Variants in SGCZ observed in about 807,000 individuals in gnomAD.
SGCZ encodes the protein zeta-sarcoglycan.
A neutral mutation model predicts 41.3 loss-of-function variants in SGCZ; 40 were observed. The observed-to-expected ratio is 0.97, with a 90% confidence interval of 0.75 to 1.26. The LOEUF (loss-of-function observed/expected upper bound fraction) is 1.26. Among genes scored for constraint, SGCZ ranks in the 50% most tolerant of loss-of-function variants. The pLI, the probability that SGCZ is intolerant of heterozygous loss-of-function variation, is 0.00. For synonymous variants in SGCZ, 206 were observed against 137.5 expected (o/e 1.50, Z -3.49); for missense variants, 552 against 369.8 (o/e 1.49, Z -4.04).
At chr8:14,252,608 TAGAG>T (rs1259482609) in intron 3 of SGCZ, among the ~76,000 whole-genome samples, 1 of 152,126 alleles carries the variant, frequency 6.6e-6, no homozygotes, top group Non-Finnish European at 1.5e-5. Flanking sequence ...AGCATTCTTC[TAGAG>T]AAAGTTTGTA....
chr8:14,227,345 G>T (rs1282901788), intron 4 of SGCZ, among the ~76,000 whole-genome samples: 1 of 152,024 alleles, frequency 6.6e-6, no homozygotes, highest in Non-Finnish European at 1.5e-5. Context: ...CTTTGGGAAG[G>T]GTAAAGGAAG....
At chr8:14,240,978 T>A (rs189689257) in intron 3 of SGCZ, among the ~76,000 whole-genome samples, 15 of 152,308 alleles carry the variant, frequency 9.8e-5, no homozygotes, top group Admixed American at 3.3e-4. Context: ...AATATATGTT[T>A]AGGTTAGAAT....
intron 7 of SGCZ, among the ~76,000 whole-genome samples, chr8:14,095,463 G>A (rs1402594180): frequency 6.7e-6 from 1 of 149,994 alleles, no homozygotes; most frequent in Non-Finnish European, 1.5e-5. Flanking sequence ...TGAGGCCGCT[G>A]TTCTGTTTTG....
At chr8:14,948,077 A>G (rs555106388) in intron 1 of SGCZ, among the ~76,000 whole-genome samples, 6 of 152,174 alleles carry the variant, frequency 3.9e-5, no homozygotes, top group Non-Finnish European at 8.8e-5. Flanking sequence ...AGACCATAGG[A>G]GGTACAGGGT....
At chr8:14,116,822 T>G (rs890167990) in intron 5 of SGCZ, among the ~76,000 whole-genome samples, 3 of 152,098 alleles carry the variant, frequency 2.0e-5, no homozygotes, top group African/African-American at 7.2e-5. Flanking sequence ...GGCACGTTTC[T>G]CCAGAACCAA....
At chr8:14,796,528 C>A (rs1293580487) in intron 1 of SGCZ, among the ~76,000 whole-genome samples, 2 of 152,098 alleles carry the variant, frequency 1.3e-5, no homozygotes, top group South Asian at 2.1e-4. Flanking sequence ...AAATTAACAT[C>A]TTTTCTGTAT....
At chr8:14,666,433 A>T (rs2117497081) in intron 1 of SGCZ, among the ~76,000 whole-genome samples, 1 of 152,336 alleles carries the variant, frequency 6.6e-6, no homozygotes, top group Non-Finnish European at 1.5e-5. Context: ...GATGCAGTGA[A>T]TCACAAAAAC....
intron 1 of SGCZ, among the ~76,000 whole-genome samples, chr8:14,928,451 T>C (rs1347910602): frequency 2.0e-5 from 3 of 152,104 alleles, no homozygotes; most frequent in African/African-American, 7.2e-5. Context: ...GCGATGACAA[T>C]ATAATAAAAT....
chr8:14,518,792 T>C (rs949213978), intron 2 of SGCZ, among the ~76,000 whole-genome samples: 5 of 148,202 alleles, frequency 3.4e-5, no homozygotes, highest in Admixed American at 2.1e-4. Context: ...GAGAAACAGA[T>C]AATATAGAGA....
chr8:14,266,673 GA>G (rs895177701), intron 3 of SGCZ, among the ~76,000 whole-genome samples: 5 of 152,188 alleles, frequency 3.3e-5, no homozygotes, highest in African/African-American at 1.2e-4. Context: ...GGGTCATTGT[GA>G]GGGTTTTTAT....
At chr8:14,093,636 C>T (rs913955237) in intron 7 of SGCZ, among the ~76,000 whole-genome samples, 2 of 151,920 alleles carry the variant, frequency 1.3e-5, no homozygotes, top group African/African-American at 4.8e-5. Context: ...GGTAGCTTTC[C>T]ACTTTTTTGA....
intron 2 of SGCZ, among the ~76,000 whole-genome samples, chr8:14,505,908 A>T (rs556763884): frequency 1.3e-5 from 2 of 152,332 alleles, no homozygotes; most frequent in East Asian, 3.9e-4. Flanking sequence ...AGGTGATTCG[A>T]ACGCAAGCTA....
intron 2 of SGCZ, among the ~76,000 whole-genome samples, chr8:14,355,809 A>AAC (rs1803272700): frequency 6.6e-6 from 1 of 152,104 alleles, no homozygotes; most frequent in East Asian, 1.9e-4. Context: ...TAAATACAAG[A>AAC]ATAAAAAAAC....
chr8:14,113,505 T>C (rs189304475), intron 5 of SGCZ, among the ~76,000 whole-genome samples: 2 of 152,238 alleles, frequency 1.3e-5, no homozygotes, highest in Admixed American at 6.6e-5. Flanking sequence ...TTAATAAATA[T>C]TGATAAGGAT....
intron 1 of SGCZ, among the ~76,000 whole-genome samples, chr8:14,767,111 G>A (rs544855458): frequency 1.3e-4 from 20 of 152,200 alleles, no homozygotes; most frequent in Non-Finnish European, 2.5e-4. Context: ...ATACTTTGGA[G>A]CTTGTCAATA....
chr8:14,429,890 T>C (rs531216848), intron 2 of SGCZ, among the ~76,000 whole-genome samples: 53 of 152,202 alleles, frequency 3.5e-4, no homozygotes, highest in Non-Finnish European at 5.7e-4. Context: ...AGCTAGGAAG[T>C]TTGCATCTTT....
chr8:14,164,924 A>C lies in SGCZ; in HGVS notation c.425-222T>G, dbSNP rs1480228492. ...GGTTAGGCATACAGGTGACCTCTGG[A>C]TGTCTGACATAGCATGTGAGTTTAG... On this transcript the variant is annotated intron_variant, in intron 4 of 7. Coordinates refer to ENST00000382080, the MANE Select transcript of SGCZ (RefSeq NM_139167.4). 8.8e-5 allele frequency: 42 copies of C among 477,970 alleles called. No homozygotes were observed. The Admixed American group carries it at 1.5e-3, about 17-fold the overall frequency. 29.6% of individuals were successfully genotyped at this position (477,970 alleles called of 1,614,324 possible). A position where few individuals can be genotyped will look rare whatever the true frequency, so the allele number is the denominator to read the frequency against.
chr8:15,013,297 C>A (rs914514000), intron 1 of SGCZ, among the ~76,000 whole-genome samples: 5 of 152,232 alleles, frequency 3.3e-5, no homozygotes, highest in Admixed American at 1.3e-4. Context: ...AACAAGCCAA[C>A]AGACTGAAAA....
At chr8:14,680,695 T>A (rs1345756077) in intron 1 of SGCZ, among the ~76,000 whole-genome samples, 1 of 150,590 alleles carries the variant, frequency 6.6e-6, no homozygotes, top group Non-Finnish European at 1.5e-5. Context: ...CTCACAGATA[T>A]AATTAGTGAA....
Sources: gnomAD v4.1 joint callset for allele counts (sites outside exome capture counted in the v4.1 genomes callset) on GRCh38, gnomAD v4.1.1 for gene constraint, MANE v1.5 for transcripts, NCBI Gene and HGNC (gene_info 2026-07-23, HGNC 2026-07-21) for gene names.